NHEJ1: variants seen among roughly 807,000 people sequenced by gnomAD.
NHEJ1 encodes the protein non-homologous end joining factor 1, also known as non-homologous end-joining factor 1.
A neutral mutation model predicts 39.4 loss-of-function variants in NHEJ1; 22 were observed. The observed-to-expected ratio is 0.56, with a 90% CI of 0.40 to 0.80. The LOEUF (loss-of-function observed/expected upper bound fraction) is 0.80. NHEJ1 is among the 30% of genes least tolerant of loss of function. The pLI, the probability that NHEJ1 is intolerant of heterozygous loss-of-function variation, is 0.00. For missense variants in NHEJ1, 329 were observed against 357.1 expected (o/e 0.92, Z 0.63); for synonymous variants, 154 against 135.6 (o/e 1.14, Z -0.94).
rs72967975 is a variant in NHEJ1 at position 219,073,176 on chromosome 2, C to T, written c.*3205G>A. On this transcript the variant is annotated 3_prime_UTR_variant, in exon 8 of 8. Transcript: ENST00000356853. Reference sequence around the variant, plus strand: ...GCCTGTGGAAGGATTTTGGTCTCAACAGGCTAGACTCTTTCCAGTTCAGAG... The same window carrying T: ...GCCTGTGGAAGGATTTTGGTCTCAATAGGCTAGACTCTTTCCAGTTCAGAG... Among the ~76,000 whole-genome samples the T allele has an allele frequency of 4.1e-3, 625 of 152,292 alleles. 3 individuals are homozygous for T. Among genetic ancestry groups the T allele is most frequent in the Non-Finnish European group, 6.6e-3 (449 of 68,032 alleles).
rs767148858 is a variant in NHEJ1 at position 219,095,369 on chromosome 2, A to C, written c.589-17163T>G. ...TATATCTTTTAACTGAGAGATGATA[A>C]ATTATTTAGTTAGTAGTAGTCCTGA... On this transcript the variant is annotated intron_variant, in intron 5 of 7. Coordinates refer to ENST00000356853, the MANE Select transcript of NHEJ1 (RefSeq NM_024782.3). 67 of 470,688 alleles carry C rather than the reference A, an allele frequency of 1.4e-4. 1 individual carries two copies. The highest frequency in any genetic ancestry group is 2.7e-4 in the Non-Finnish European group (62 of 226,904). The allele number at this position is 470,688 out of a possible 1,614,324, so 29.2% of individuals were successfully genotyped here. A position where few individuals can be genotyped will look rare whatever the true frequency, so the allele number is the denominator to read the frequency against.
chr2:219,121,580 C>T (rs1273035000), intron 5 of NHEJ1, among the ~76,000 whole-genome samples: 1 of 152,106 alleles, frequency 6.6e-6, no homozygotes, highest in African/African-American at 2.4e-5. Flanking sequence ...GTGGCTCATA[C>T]CTATAATCCT....
chr2:219,144,302 T>C (rs1056282453), intron 5 of NHEJ1, among the ~76,000 whole-genome samples: 1 of 152,170 alleles, frequency 6.6e-6, no homozygotes, highest in Non-Finnish European at 1.5e-5. Context: ...CCACGCACAG[T>C]GCTGGGGATA....
At chr2:219,083,437 C>G (rs1474017169) in intron 5 of NHEJ1, among the ~76,000 whole-genome samples, 2 of 132,468 alleles carry the variant, frequency 1.5e-5, no homozygotes, top group East Asian at 4.3e-4. Flanking sequence ...GAGGAAGAAG[C>G]AAGGCTATTC....
chr2:219,130,453 G>A (rs1222156186), intron 5 of NHEJ1, among the ~76,000 whole-genome samples: 3 of 151,986 alleles, frequency 2.0e-5, no homozygotes, highest in African/African-American at 7.3e-5. Flanking sequence ...CAAAACTCTG[G>A]GAAGTCCTCT....
intron 3 of NHEJ1, among the ~76,000 whole-genome samples, chr2:219,156,715 T>A (rs1389735123): frequency 6.6e-6 from 1 of 152,238 alleles, no homozygotes; most frequent in Non-Finnish European, 1.5e-5. Flanking sequence ...ACAGTACTTA[T>A]CCTGAAGGAG....
At chr2:219,104,703 C>T (rs1559191917) in intron 5 of NHEJ1, among the ~76,000 whole-genome samples, 1 of 149,480 alleles carries the variant, frequency 6.7e-6, no homozygotes, top group Non-Finnish European at 1.5e-5. Context: ...CAAAAGGCAC[C>T]CCCCCACACA....
intron 5 of NHEJ1, among the ~76,000 whole-genome samples, chr2:219,121,754 AG>A (rs930856897): frequency 2.0e-4 from 31 of 152,052 alleles, no homozygotes; most frequent in African/African-American, 5.5e-4. Context: ...TGAGCCTGGG[AG>A]GTCGAGGCTG....
intron 2 of NHEJ1, 32 bp downstream of exon 2, chr2:219,158,154 C>T (rs1227924575): frequency 6.2e-7 from 1 of 1,612,916 alleles, no homozygotes. Flanking sequence ...TGTTCACATC[C>T]CCGACACAGC....
rs1949869818 is a variant in NHEJ1 at position 219,157,826 on chromosome 2, G to A, written c.178-142C>T. The A allele has an allele frequency of 5.3e-6, 4 of 749,900 alleles. No homozygotes were observed. The South Asian group carries it at 6.3e-5, about 12-fold the overall frequency. The allele number at this position is 749,900 out of a possible 1,614,324, so 46.5% of individuals were successfully genotyped here. ...AGAGAAGATAAAAACATCACAAGGG[G>A]AAAGAAGAAAACAAAAAGAAGAGAG... On this transcript the variant is annotated intron_variant, in intron 2 of 7. Coordinates refer to ENST00000356853, the MANE Select transcript of NHEJ1 (RefSeq NM_024782.3).
In NHEJ1 at chr2:219,147,807, G is replaced by A; in HGVS notation, c.391-12C>T. ...AAATGTTGGGAGACCTTTGAGGGAA[G>A]AGATATCAATTAGCCAAAAGACTCT... On this transcript the variant is annotated splice_polypyrimidine_tract_variant and intron_variant, in intron 3 of 7. Coordinates refer to ENST00000356853, the MANE Select transcript of NHEJ1 (RefSeq NM_024782.3). 6.2e-7 allele frequency: 1 copy of A among 1,614,006 alleles called. No homozygotes were observed. The highest frequency in any genetic ancestry group is 1.1e-5 in the South Asian group (1 of 91,076).
intron 5 of NHEJ1, among the ~76,000 whole-genome samples, chr2:219,097,419 G>T (rs771242769): frequency 6.6e-6 from 1 of 152,190 alleles, no homozygotes; most frequent in South Asian, 2.1e-4. Flanking sequence ...TGGATGTGGG[G>T]TATGAGAGAA....
At position 219,109,350 on chromosome 2, in the gene NHEJ1, C is replaced by T. The variant is rs192071352; in HGVS notation, c.589-31144G>A. Among the ~76,000 whole-genome samples the T allele has an allele frequency of 1.7e-3, 266 of 152,190 alleles. 2 individuals carry two copies. The highest frequency in any genetic ancestry group is 7.6e-4 in the Non-Finnish European group (52 of 67,986). On this transcript the variant is annotated intron_variant, in intron 5 of 7. Transcript: ENST00000356853. The stretch of plus-strand genomic sequence containing the variant: ...TCCCAAATCTTTCCTCCCAAGACCA[C>T]AAAGGATAAAAAAAAAGTTTCCAAA...
chr2:219,137,916 T>G (rs1030835085), intron 5 of NHEJ1, among the ~76,000 whole-genome samples: 1 of 152,180 alleles, frequency 6.6e-6, no homozygotes, highest in Admixed American at 6.5e-5. Context: ...TTATCATACC[T>G]TATATGCTCA....
intron 5 of NHEJ1, among the ~76,000 whole-genome samples, chr2:219,112,253 C>T (rs1949372672): frequency 6.6e-6 from 1 of 152,070 alleles, no homozygotes; most frequent in African/African-American, 2.4e-5. Flanking sequence ...TTAAACTGAC[C>T]TGGTTTGAGT....
chr2:219,093,142 G>A (rs1433659227), intron 5 of NHEJ1, among the ~76,000 whole-genome samples: 1 of 152,120 alleles, frequency 6.6e-6, no homozygotes, highest in Non-Finnish European at 1.5e-5. Flanking sequence ...TCTAGATTCT[G>A]TAAAGCCCAC....
chr2:219,120,628 G>C (rs1328194831), intron 5 of NHEJ1, among the ~76,000 whole-genome samples: 2 of 152,176 alleles, frequency 1.3e-5, no homozygotes, highest in Non-Finnish European at 2.9e-5. Context: ...TAGAAAGAAT[G>C]AAGAAGAGGC....
At chr2:219,076,583 A>G in intron 7 of NHEJ1, 128 bp from the exon 8 acceptor site, 2 of 703,012 alleles carry the variant, frequency 2.8e-6, no homozygotes, top group Non-Finnish European at 4.3e-6. Flanking sequence ...TTTTTTTTCC[A>G]CCCAGGCTGG....
chr2:219,076,110 A>G lies in NHEJ1; in HGVS notation c.*271T>C, dbSNP rs180727981. ...TGGTGCTTTCTTGCTGACTTGCCCT[A>G]TATACCTAAAGTCCATGGTAGAAAC... On this transcript the variant is annotated 3_prime_UTR_variant, in exon 8 of 8. Coordinates refer to ENST00000356853, the MANE Select transcript of NHEJ1 (RefSeq NM_024782.3). 4.8e-6 allele frequency: 3 copies of G among 629,596 alleles called. No individual in the cohort carries two copies. The highest frequency in any genetic ancestry group is 6.0e-5 in the Admixed American group (2 of 33,360). 39.0% of individuals were successfully genotyped at this position (629,596 alleles called of 1,614,324 possible).
Sources: allele counts gnomAD v4.1 joint callset (sites outside exome capture counted in the v4.1 genomes callset), GRCh38; gene constraint gnomAD v4.1.1; transcripts MANE v1.5; gene names NCBI Gene and HGNC (gene_info 2026-07-23, HGNC 2026-07-21).